The following CAMTA1 variants were observed in gnomAD, a reference collection of about 807,000 sequenced individuals.
CAMTA1 encodes calmodulin-binding transcription activator 1.
Under a neutral mutation model 170.9 loss-of-function variants are expected in CAMTA1, and 27 were observed. The observed-to-expected ratio is 0.16, with a 90% CI of 0.12 to 0.22. The LOEUF is 0.22. Ranked by LOEUF, CAMTA1 falls within the 10% of genes least tolerant of loss-of-function variation. The pLI is 1.00. For synonymous variants in CAMTA1, 833 were observed against 891.5 expected (o/e 0.93, Z 1.17); for missense variants, 1,619 against 2,217.2 (o/e 0.73, Z 5.42).
chr1:7,134,787 T>A (rs1645451612), intron 4 of CAMTA1, among the ~76,000 whole-genome samples: 1 of 152,120 alleles, frequency 6.6e-6, no homozygotes, highest in African/African-American at 2.4e-5. Context: ...CTACCAATAA[T>A]GAGAATGGTA....
At position 7,295,682 on chromosome 1, in the gene CAMTA1, G is replaced by A. The variant is rs151017664; in HGVS notation, c.438+46056G>A. On this transcript the variant is annotated intron_variant, in intron 5 of 22. Coordinates refer to ENST00000303635, the MANE Select transcript of CAMTA1 (RefSeq NM_015215.4). ...CGAGTACTTTCCATGGCATGGTTTTGGTTCCTGAAGATTCAAAAATGAACA... is the reference window on the plus strand; with the variant it reads ...CGAGTACTTTCCATGGCATGGTTTTAGTTCCTGAAGATTCAAAAATGAACA... Among the ~76,000 whole-genome samples the A allele has an allele frequency of 4.4e-3, 674 of 152,290 alleles. 8 individuals carry two copies. Among genetic ancestry groups the A allele is most frequent in the Admixed American group, 0.024 (368 of 15,286 alleles).
intron 5 of CAMTA1, among the ~76,000 whole-genome samples, chr1:7,405,716 C>T (rs1370616816): frequency 6.7e-6 from 1 of 149,608 alleles, no homozygotes; most frequent in Non-Finnish European, 1.5e-5. Flanking sequence ...TTTTACCAGG[C>T]CTCAGTTTCC....
rs1189501326 is a variant in CAMTA1 at position 7,010,381 on chromosome 1, C to T, written c.235-80923C>T. On this transcript the variant is annotated intron_variant, in intron 3 of 22. Transcript: ENST00000303635. This position sits in a 1 kb window ranked among gnomAD's most constrained non-coding sequence, Gnocchi z 4.4. ...AGCTGTGCTCAGTGACTTTGGGCCACGGGCTGTGGCGTCACATCCTCCAGA... is the reference window on the plus strand; with the variant it reads ...AGCTGTGCTCAGTGACTTTGGGCCATGGGCTGTGGCGTCACATCCTCCAGA... Among the ~76,000 whole-genome samples, 1 of 152,194 alleles carries T rather than the reference C, an allele frequency of 6.6e-6. No homozygotes were observed. Among genetic ancestry groups the T allele is most frequent in the Non-Finnish European group, 1.5e-5 (1 of 68,036 alleles).
chr1:7,027,018 TTCTTGAGAC>T (rs1702113988), intron 3 of CAMTA1, among the ~76,000 whole-genome samples: 1 of 152,144 alleles, frequency 6.6e-6, no homozygotes, highest in Non-Finnish European at 1.5e-5. Flanking sequence ...GTGGTGGCTT[TTCTTGAGAC>T]GTGGCAGAGT....
intron 4 of CAMTA1, among the ~76,000 whole-genome samples, chr1:7,246,670 CTTTTTTTTT>C (rs34382670): frequency 4.1e-5 from 3 of 73,924 alleles, no homozygotes; most frequent in South Asian, 1.3e-3. Flanking sequence ...CTCTGACCTG[CTTTTTTTTT>C]TTTTTTTTTT....
chr1:7,548,339 G>A (rs1223019418), intron 6 of CAMTA1, among the ~76,000 whole-genome samples: 7 of 152,182 alleles, frequency 4.6e-5, no homozygotes, highest in South Asian at 2.1e-4. Flanking sequence ...CCTCCTTAAG[G>A]AGGAAGATTC....
At chr1:7,126,525 T>A (rs2148499417) in intron 4 of CAMTA1, among the ~76,000 whole-genome samples, 1 of 152,370 alleles carries the variant, frequency 6.6e-6, no homozygotes, top group East Asian at 1.9e-4. Flanking sequence ...GAGTTTTAAC[T>A]TTTGTATTGA....
chr1:6,845,588 T>G (rs1037541903), intron 3 of CAMTA1, among the ~76,000 whole-genome samples: 42 of 152,210 alleles, frequency 2.8e-4, no homozygotes, highest in African/African-American at 1.0e-3. Flanking sequence ...TAAACAAAAC[T>G]GCCACATGTT....
chr1:7,412,472 C>T (rs2090848675), intron 5 of CAMTA1, among the ~76,000 whole-genome samples: 1 of 152,114 alleles, frequency 6.6e-6, no homozygotes, highest in Admixed American at 6.5e-5. Context: ...GAGATGGTAT[C>T]TCATTGTGGT....
Position 7,768,205 on chromosome 1 carries a change from T to C in CAMTA1, c.*1714T>C, listed in dbSNP as rs1262256404. The C allele has an allele frequency of 1.0e-5, 1 of 95,238 alleles. No individual in the cohort carries two copies. Among genetic ancestry groups the C allele is most frequent in the East Asian group, 3.6e-4 (1 of 2,804 alleles). 5.9% of individuals were successfully genotyped at this position (95,238 alleles called of 1,614,324 possible). On this transcript the variant is annotated 3_prime_UTR_variant, in exon 23 of 23. Coordinates refer to ENST00000303635, the MANE Select transcript of CAMTA1 (RefSeq NM_015215.4). ...ATCTCCTGCTGGAAATCAGAAAATATAATAAAATTGCACAAAAAAAAAAAT... is the reference window on the plus strand; with the variant it reads ...ATCTCCTGCTGGAAATCAGAAAATACAATAAAATTGCACAAAAAAAAAAAT...
At chr1:6,836,236 A>G (rs570884862) in intron 3 of CAMTA1, among the ~76,000 whole-genome samples, 13 of 152,266 alleles carry the variant, frequency 8.5e-5, no homozygotes, top group Non-Finnish European at 1.0e-4. Flanking sequence ...TAGTGCTTTT[A>G]GAAAGCTGGA....
intron 5 of CAMTA1, among the ~76,000 whole-genome samples, chr1:7,262,527 A>C (rs992704624): frequency 6.6e-6 from 1 of 152,204 alleles, no homozygotes; most frequent in Non-Finnish European, 1.5e-5. Context: ...ACGCTGTTGC[A>C]CTGAAGCCTG....
At chr1:6,805,553 A>G (rs1184040619) in intron 1 of CAMTA1, among the ~76,000 whole-genome samples, 3 of 152,144 alleles carry the variant, frequency 2.0e-5, no homozygotes, top group African/African-American at 7.2e-5. Flanking sequence ...TCACCCAGGC[A>G]GGAGTGTAGT....
At chr1:7,587,116 C>A (rs561089857) in intron 6 of CAMTA1, among the ~76,000 whole-genome samples, 1 of 152,008 alleles carries the variant, frequency 6.6e-6, no homozygotes, top group Non-Finnish European at 1.5e-5. Context: ...TCTGTCTGCA[C>A]GCCTTCCCTT....
Position 7,234,015 on chromosome 1 carries a change from A to G in CAMTA1, c.303-15476A>G, listed in dbSNP as rs1663340929. Among the ~76,000 whole-genome samples, 1 of 152,076 alleles carries G rather than the reference A, an allele frequency of 6.6e-6. No homozygotes were observed. Among genetic ancestry groups the G allele is most frequent in the Non-Finnish European group, 1.5e-5 (1 of 68,012 alleles). Reference sequence around the variant, plus strand: ...GTTAATTTATGCCGTCTTACATTTTATGCTACATTTGTATTAAGATTGGAG... The same window carrying G: ...GTTAATTTATGCCGTCTTACATTTTGTGCTACATTTGTATTAAGATTGGAG... On this transcript the variant is annotated intron_variant, in intron 4 of 22. Coordinates refer to ENST00000303635, the MANE Select transcript of CAMTA1 (RefSeq NM_015215.4). This position sits in a 1 kb window ranked among gnomAD's most constrained non-coding sequence, Gnocchi z 5.0.
At chr1:7,602,075 T>G (rs2150579693) in intron 6 of CAMTA1, among the ~76,000 whole-genome samples, 2 of 122,964 alleles carry the variant, frequency 1.6e-5, no homozygotes, top group African/African-American at 3.5e-5. Context: ...GCCTTTCCAA[T>G]TTTCTTTCCT....
chr1:7,159,767 C>A (rs935685351), intron 4 of CAMTA1, among the ~76,000 whole-genome samples: 3 of 152,070 alleles, frequency 2.0e-5, no homozygotes. Context: ...AGGCTGTTCC[C>A]AAACTCCTGA....
chr1:7,377,119 G>T (rs774393172), intron 5 of CAMTA1, among the ~76,000 whole-genome samples: 1 of 152,136 alleles, frequency 6.6e-6, no homozygotes, highest in Non-Finnish European at 1.5e-5. Context: ...GGGAGCACTC[G>T]CCTGACCGAG....
chr1:6,834,512 C>T, intron 3 of CAMTA1: 1 of 255,110 alleles, frequency 3.9e-6, no homozygotes. Flanking sequence ...GGGGTAGCCA[C>T]ATTTGCCACA....
Sources: allele counts gnomAD v4.1 joint callset (sites outside exome capture counted in the v4.1 genomes callset), GRCh38; gene constraint gnomAD v4.1.1; non-coding constraint Gnocchi (gnomAD v3.1); transcripts MANE v1.5; gene names NCBI Gene and HGNC (gene_info 2026-07-23, HGNC 2026-07-21).